RTN4: variants seen among roughly 807,000 people sequenced by gnomAD.
RTN4 encodes the protein reticulon-4.
A neutral mutation model predicts 90.4 loss-of-function variants in RTN4; 32 were observed. That is an observed-to-expected ratio of 0.35 (90% confidence interval 0.27 to 0.48). RTN4 has a LOEUF of 0.48. RTN4 is among the 20% of genes least tolerant of loss of function. RTN4 has a pLI of 0.99. For missense variants in RTN4, 1,706 were observed against 1,430.2 expected (o/e 1.19, Z -3.11); for synonymous variants, 629 against 552.5 (o/e 1.14, Z -1.94).
intron 2 of RTN4, among the ~76,000 whole-genome samples, chr2:55,067,506 G>A (rs564494691): frequency 8.6e-5 from 13 of 151,876 alleles, no homozygotes; most frequent in African/African-American, 2.2e-4. Context: ...TCCACCTCCC[G>A]GGTTCAAGTG....
chr2:55,070,837 T>C (rs372636005), intron 2 of RTN4, among the ~76,000 whole-genome samples: 3 of 151,888 alleles, frequency 2.0e-5, no homozygotes, highest in South Asian at 4.2e-4. Context: ...AGTACAGTGG[T>C]GCGATCTCGG....
Position 55,050,364 on chromosome 2 carries a change from G to T in RTN4, c.-64C>A. 8.6e-7 allele frequency: 1 copy of T among 1,162,766 alleles called. No homozygotes were observed. The highest frequency in any genetic ancestry group is 1.1e-6 in the Non-Finnish European group (1 of 881,046). The allele number at this position is 1,162,766 out of a possible 1,614,324, so 72.0% of individuals were successfully genotyped here. The stretch of plus-strand genomic sequence containing the variant: ...GCCGCCGGGGCCGCGTCTCAGAGCC[G>T]CGGGCGGTTGTGGGGGTTGGGGAGG... On this transcript the variant is annotated 5_prime_UTR_variant, in exon 1 of 9. Transcript: ENST00000337526. This position sits in a 1 kb window ranked among gnomAD's most constrained non-coding sequence, Gnocchi z 4.6.
At chr2:55,085,709 A>C (rs1668824707) in intron 1 of RTN4, among the ~76,000 whole-genome samples, 1 of 152,238 alleles carries the variant, frequency 6.6e-6, no homozygotes, top group Admixed American at 6.5e-5. Context: ...CAATCTACAT[A>C]GAAAAAAATG....
intron 3 of RTN4, among the ~76,000 whole-genome samples, chr2:55,004,210 G>C (rs1381439344): frequency 6.6e-6 from 1 of 152,100 alleles, no homozygotes; most frequent in Admixed American, 6.5e-5. Context: ...TTATTGCAGT[G>C]AGGACAATAC....
intron 1 of RTN4, among the ~76,000 whole-genome samples, chr2:55,099,652 G>A (rs1667816758): frequency 6.6e-6 from 1 of 152,006 alleles, no homozygotes; most frequent in Non-Finnish European, 1.5e-5. Context: ...ACATACTAGT[G>A]GCTAAAAGTG....
At chr2:54,980,819 G>C (rs1400544029) in intron 5 of RTN4, among the ~76,000 whole-genome samples, 1 of 152,148 alleles carries the variant, frequency 6.6e-6, no homozygotes, top group Non-Finnish European at 1.5e-5. Context: ...AGCGGCATCA[G>C]TACCTCCTCC....
chr2:55,042,701 G>C (rs1683156627), intron 1 of RTN4, among the ~76,000 whole-genome samples: 1 of 152,088 alleles, frequency 6.6e-6, no homozygotes, highest in Admixed American at 6.5e-5. Flanking sequence ...ATTGAGAGAA[G>C]ATATTATAGT....
chr2:55,108,577 T>C (rs1231122273), intron 1 of RTN4, among the ~76,000 whole-genome samples: 1 of 151,978 alleles, frequency 6.6e-6, no homozygotes, highest in East Asian at 1.9e-4. Context: ...GCAGCTCTAG[T>C]GGAGGGATGG....
chr2:54,997,226 C>A (rs937713491), intron 3 of RTN4, among the ~76,000 whole-genome samples: 1 of 152,028 alleles, frequency 6.6e-6, no homozygotes, highest in Admixed American at 6.5e-5. Context: ...AAAGAAGGTA[C>A]ACAAATGGCC....
intron 1 of RTN4, among the ~76,000 whole-genome samples, chr2:55,037,329 CT>C (rs1438673974): frequency 6.6e-6 from 1 of 152,222 alleles, no homozygotes; most frequent in African/African-American, 2.4e-5. Context: ...TTTTACACAT[CT>C]TCCCTTTGTT....
intron 3 of RTN4, chr2:55,010,455 A>T (rs1462067270): frequency 1.2e-5 from 9 of 777,776 alleles, no homozygotes; most frequent in Non-Finnish European, 1.5e-5. Flanking sequence ...AAAGAAAGGA[A>T]ATAAGGGTTG....
the RTN4 span, among the ~76,000 whole-genome samples, chr2:55,134,989 C>T: frequency 6.6e-6 from 1 of 152,030 alleles, no homozygotes; most frequent in Non-Finnish European, 1.5e-5. Context: ...GCACATAGCA[C>T]CAGGCATGGT....
rs187079109 is a variant in RTN4, at chr2:54,992,175, C to T, written c.3014-4477G>A. On this transcript the variant is annotated intron_variant, in intron 3 of 8. Coordinates refer to ENST00000337526, the MANE Select transcript of RTN4 (RefSeq NM_020532.5). ...CTCATCTCTTAAACAAACAAACAAA[C>T]CTAATGAAAGGTAGGCTTGAAAGAG... 1.3e-3 allele frequency among the ~76,000 whole-genome samples: 205 copies of T among 152,166 alleles called. 2 individuals carry two copies. Among genetic ancestry groups the T allele is most frequent in the Non-Finnish European group, 1.6e-3 (107 of 67,996 alleles).
At chr2:55,076,317 C>G (rs977926439) in intron 2 of RTN4, among the ~76,000 whole-genome samples, 1 of 147,526 alleles carries the variant, frequency 6.8e-6, no homozygotes, top group Non-Finnish European at 1.5e-5. Flanking sequence ...AAATGGCCAA[C>G]AAACATGAAA....
upstream of RTN4, among the ~76,000 whole-genome samples, chr2:55,116,819 G>A (rs567569080): frequency 5.9e-5 from 9 of 151,584 alleles, no homozygotes; most frequent in South Asian, 1.0e-3. Context: ...TCATCTCTTC[G>A]ACACTTCCCA....
At chr2:55,029,349 G>A (rs1682139996) in intron 1 of RTN4, among the ~76,000 whole-genome samples, 1 of 152,072 alleles carries the variant, frequency 6.6e-6, no homozygotes, top group Non-Finnish European at 1.5e-5. Flanking sequence ...CTCTATATTG[G>A]TAATATTAAC....
At chr2:55,036,086 C>G (rs1449869006) in intron 1 of RTN4, among the ~76,000 whole-genome samples, 1 of 152,120 alleles carries the variant, frequency 6.6e-6, no homozygotes, top group Admixed American at 6.6e-5. Context: ...GAAAAGCAAA[C>G]ACTTCCCATA....
At chr2:54,991,423 AT>A (rs1679006142) in intron 3 of RTN4, among the ~76,000 whole-genome samples, 1 of 152,226 alleles carries the variant, frequency 6.6e-6, no homozygotes, top group African/African-American at 2.4e-5. Context: ...GTAGAAGGAA[AT>A]ATCAGGACTG....
At chr2:55,080,903 C>G (rs908864632) in intron 1 of RTN4, among the ~76,000 whole-genome samples, 1 of 152,134 alleles carries the variant, frequency 6.6e-6, no homozygotes, top group African/African-American at 2.4e-5. Flanking sequence ...AAAGAATGCG[C>G]AATCTTTATC....
Sources: gnomAD v4.1 joint callset for allele counts (sites outside exome capture counted in the v4.1 genomes callset) on GRCh38, gnomAD v4.1.1 for gene constraint, Gnocchi (gnomAD v3.1) non-coding constraint, MANE v1.5 for transcripts, NCBI Gene and HGNC (gene_info 2026-07-23, HGNC 2026-07-21) for gene names.